The following NPR3 variants were observed in gnomAD, a reference collection of about 807,000 sequenced individuals.
The protein encoded by NPR3 is natriuretic peptide receptor 3.
In NPR3, 34 loss-of-function variants were observed where a neutral mutation model predicts 54.5. That is an observed-to-expected ratio of 0.62 (90% CI 0.47 to 0.83). NPR3 has a LOEUF of 0.83. Ranked by LOEUF, NPR3 falls within the 40% of genes least tolerant of loss-of-function variation. The probability of loss-of-function intolerance (pLI) is 0.00; values close to 1 mark genes in which losing one functional copy is unlikely to be tolerated. For synonymous variants in NPR3, 289 were observed against 297.1 expected (o/e 0.97, Z 0.28); for missense variants, 674 against 720.8 (o/e 0.94, Z 0.74).
At chr5:32,752,208 CAAAAACAAAAACAAAA>C (rs1357354983) in intron 3 of NPR3, among the ~76,000 whole-genome samples, 2 of 52,260 alleles carry the variant, frequency 3.8e-5, no homozygotes, top group Admixed American at 3.4e-4. Flanking sequence ...CCTCCACCTC[CAAAAACAAAAACAAAA>C]ACAAAAACAA....
At chr5:32,734,884 C>G (rs957389427) in intron 2 of NPR3, among the ~76,000 whole-genome samples, 1 of 152,218 alleles carries the variant, frequency 6.6e-6, no homozygotes, top group Non-Finnish European at 1.5e-5. Flanking sequence ...GCCATCCATC[C>G]CTTTCTGGTA....
At chr5:32,706,013 C>A (rs188564995), upstream of NPR3, among the ~76,000 whole-genome samples, 17 of 152,202 alleles carry the variant, frequency 1.1e-4, no homozygotes, top group Admixed American at 1.1e-3. Context: ...GAATTGTAAT[C>A]CCCAATGTCA....
At chr5:32,711,263 T>A (rs1738206607), upstream of NPR3, 6 of 960,522 alleles carry the variant, frequency 6.2e-6, no homozygotes, top group Non-Finnish European at 7.3e-6. Flanking sequence ...GCGCCATGTG[T>A]GGTAACACGC....
chr5:32,708,195 A>T (rs1308754140), upstream of NPR3, among the ~76,000 whole-genome samples: 1 of 152,108 alleles, frequency 6.6e-6, no homozygotes, highest in Non-Finnish European at 1.5e-5. Context: ...TCATTCAACA[A>T]CTGAAGCCAG....
chr5:32,780,135 C>G (rs981252782), intron 4 of NPR3, among the ~76,000 whole-genome samples: 3 of 152,246 alleles, frequency 2.0e-5, no homozygotes, highest in Admixed American at 1.3e-4. Flanking sequence ...TAATTCAGTA[C>G]TAAGCGTCCA....
intron 4 of NPR3, among the ~76,000 whole-genome samples, chr5:32,777,946 C>T (rs1742148234): frequency 6.6e-6 from 1 of 152,170 alleles, no homozygotes; most frequent in Admixed American, 6.5e-5. Context: ...CTTGGTCGGC[C>T]ACATCCCATT....
At chr5:32,716,996 A>AAACCCC (rs1561079842) in intron 1 of NPR3, among the ~76,000 whole-genome samples, 4 of 109,666 alleles carry the variant, frequency 3.6e-5, no homozygotes, top group African/African-American at 3.7e-5. Flanking sequence ...CCATCCCCCA[A>AAACCCC]CCCCCCCACC....
chr5:32,698,936 G>C (rs78552417), intron 1 of NPR3, among the ~76,000 whole-genome samples: 1 of 152,070 alleles, frequency 6.6e-6, no homozygotes, highest in Non-Finnish European at 1.5e-5. Flanking sequence ...GCCAGTTTAT[G>C]TCTTTTGATT....
Position 32,788,840 on chromosome 5 carries a change from A to T in NPR3, c.*2495A>T, listed in dbSNP as rs1216373690. On this transcript the variant is annotated 3_prime_UTR_variant, in exon 8 of 8. Transcript: ENST00000265074. ...ATGTTAATATTGATTGCTTATTTAC[A>T]TGTCAGTCATCTACTTTTTTTCTTT... The T allele has an allele frequency of 6.6e-6, 1 of 152,202 alleles. No individual in the cohort carries two copies. Among genetic ancestry groups the T allele is most frequent in the East Asian group, 1.9e-4 (1 of 5,194 alleles). The allele number at this position is 152,202 out of a possible 1,614,324, so 9.4% of individuals were successfully genotyped here.
At chr5:32,716,399 G>GTTTTTTTTT in intron 1 of NPR3, 1 of 444,046 alleles carries the variant, frequency 2.3e-6, no homozygotes, top group African/African-American at 2.1e-5. Context: ...GGTCTTATCT[G>GTTTTTTTTT]TTGGAATCCC....
intron 2 of NPR3, among the ~76,000 whole-genome samples, chr5:32,736,678 T>C (rs1739764849): frequency 6.6e-6 from 1 of 152,192 alleles, no homozygotes. Flanking sequence ...CCATGCTGTA[T>C]CTTGGTGATG....
At chr5:32,710,992 G>T (rs1274444906), upstream of NPR3, among the ~76,000 whole-genome samples, 1 of 151,996 alleles carries the variant, frequency 6.6e-6, no homozygotes, top group African/African-American at 2.4e-5. Flanking sequence ...TGGAGAGCGT[G>T]GAAAGGGAGA....
chr5:32,695,246 C>T (rs1237811492), intron 1 of NPR3, among the ~76,000 whole-genome samples: 1 of 152,030 alleles, frequency 6.6e-6, no homozygotes, highest in African/African-American at 2.4e-5. Context: ...CTGGATTTTA[C>T]GGTAGCTCTA....
At chr5:32,713,272 G>C (rs1561076655) in intron 1 of NPR3, 2 of 985,340 alleles carry the variant, frequency 2.0e-6, no homozygotes, top group African/African-American at 3.5e-5. Context: ...GAAGAAACGA[G>C]CGCTGAACCT....
chr5:32,734,495 C>A (rs1325428633), intron 2 of NPR3, among the ~76,000 whole-genome samples: 3 of 152,152 alleles, frequency 2.0e-5, no homozygotes, highest in African/African-American at 7.2e-5. Context: ...GAGCAGACTA[C>A]CTTCCTCTTT....
chr5:32,743,399 T>C lies in NPR3; in HGVS notation c.1059+4369T>C, dbSNP rs1005168200. On this transcript the variant is annotated intron_variant, in intron 3 of 7. Coordinates refer to ENST00000265074, the MANE Select transcript of NPR3 (RefSeq NM_001204375.2). ...TTTACCTATACTCTTTGTATGTGTG[T>C]GTGTGTGTGTATTAAGTTCTATGCA... Among the ~76,000 whole-genome samples the C allele has an allele frequency of 9.9e-5, 15 of 152,278 alleles. No homozygotes were observed. In the East Asian group the frequency reaches 2.9e-3, roughly 29 times the overall value.
chr5:32,731,170 T>G (rs1458206424), intron 2 of NPR3, among the ~76,000 whole-genome samples: 1 of 152,238 alleles, frequency 6.6e-6, no homozygotes, highest in Non-Finnish European at 1.5e-5. Flanking sequence ...TTGGACAACT[T>G]TTTAACACTT....
rs986365094 is a variant in NPR3, at chr5:32,711,855, G to T, written c.79G>T (p.Gly27Cys). 3.4e-6 allele frequency: 5 copies of T among 1,462,876 alleles called. No individual in the cohort carries two copies. 90.6% of individuals were successfully genotyped at this position (1,462,876 alleles called of 1,614,324 possible). ...WALLAGGTGG[G>C]GVGGGGGGAG... Reference sequence around the variant, plus strand: ...GTTGCTGGCCGGCGGCACCGGTGGCGGTGGCGTTGGCGGCGGCGGCGGTGG... The same window carrying T: ...GTTGCTGGCCGGCGGCACCGGTGGCTGTGGCGTTGGCGGCGGCGGCGGTGG... Residue 27 changes from glycine (G) to cysteine (C), a missense_variant, in exon 1 of 8, where the codon GGT (glycine) becomes TGT (cysteine). Transcript: ENST00000265074.
intron 3 of NPR3, among the ~76,000 whole-genome samples, chr5:32,762,193 GA>G (rs753582101): frequency 1.3e-5 from 2 of 152,056 alleles, no homozygotes; most frequent in Non-Finnish European, 2.9e-5. Context: ...CAGTCTACCA[GA>G]GATGGGCATT....
Sources: allele counts gnomAD v4.1 joint callset (sites outside exome capture counted in the v4.1 genomes callset), GRCh38; gene constraint gnomAD v4.1.1; transcripts MANE v1.5; gene names NCBI Gene and HGNC (gene_info 2026-07-23, HGNC 2026-07-21).